Variants in GNPTAB observed in about 807,000 individuals in gnomAD.
GNPTAB encodes N-acetylglucosamine-1-phosphotransferase subunits alpha/beta.
A neutral mutation model predicts 136.6 loss-of-function variants in GNPTAB; 92 were observed. The observed-to-expected ratio is 0.67, with a 90% CI of 0.57 to 0.80. The LOEUF is 0.80. Ranked by LOEUF, GNPTAB falls within the 30% of genes least tolerant of loss-of-function variation. The probability of loss-of-function intolerance (pLI) is 0.00; values close to 1 mark genes in which losing one functional copy is unlikely to be tolerated. For missense variants in GNPTAB, 1,343 were observed against 1,501.8 expected (o/e 0.89, Z 1.75); for synonymous variants, 512 against 535.1 (o/e 0.96, Z 0.60).
At chr12:101,810,430 CA>C (rs1870164045) in intron 1 of GNPTAB, 1 of 122,788 alleles carries the variant, frequency 8.1e-6, no homozygotes, top group African/African-American at 3.3e-5. Flanking sequence ...TATACACACA[CA>C]TACACACACA....
chr12:101,765,767 G>A, intron 12 of GNPTAB: 1 of 372,496 alleles, frequency 2.7e-6, no homozygotes, highest in Admixed American at 4.0e-5. Context: ...AAAATCCAGT[G>A]TTTGAACCAT....
At chr12:101,776,341 G>C (rs1055116938) in intron 7 of GNPTAB, among the ~76,000 whole-genome samples, 1 of 152,208 alleles carries the variant, frequency 6.6e-6, no homozygotes, top group Non-Finnish European at 1.5e-5. Context: ...TTTATCAAAA[G>C]CTGAATTCTG....
At chr12:101,779,486 C>T (rs1281429850) in intron 7 of GNPTAB, 1 of 153,772 alleles carries the variant, frequency 6.5e-6, no homozygotes, top group African/African-American at 2.4e-5. Context: ...CCAGGCCAGC[C>T]TCCAGAGTCC....
rs1283866564 is a variant in GNPTAB, at chr12:101,788,602, A to C, written c.324-13T>G. 3 of 1,457,204 alleles carry C rather than the reference A, an allele frequency of 2.1e-6. No homozygotes were observed. The East Asian group carries it at 6.8e-5, about 33-fold the overall frequency. The allele number at this position is 1,457,204 out of a possible 1,614,324, so 90.3% of individuals were successfully genotyped here. Reference sequence around the variant, plus strand: ...CCCAAGGATTTCTCTAATAAAAAGCAAATACAGTTTATTACATACATATGG... The same window carrying C: ...CCCAAGGATTTCTCTAATAAAAAGCCAATACAGTTTATTACATACATATGG... On this transcript the variant is annotated splice_polypyrimidine_tract_variant and intron_variant, in intron 3 of 20. Transcript: ENST00000299314.
In GNPTAB at chr12:101,830,650, T is replaced by C; in HGVS notation, c.26A>G (p.Gln9Arg). The change falls in exon 1 of 21, where the codon CAG becomes CGG. Residue 9 changes from glutamine to arginine, a missense_variant. Transcript: ENST00000299314. Reference sequence around the variant, plus strand: ...CCTGTGGGACAGGCAGGTATAGGTCTGTCTCTGCAGGAGCTTGAACAGCAT... The same window carrying C: ...CCTGTGGGACAGGCAGGTATAGGTCCGTCTCTGCAGGAGCTTGAACAGCAT... MLFKLLQR[Q>R]TYTCLSHRYG... 6.2e-7 allele frequency: 1 copy of C among 1,610,320 alleles called. No homozygotes were observed. Among genetic ancestry groups the C allele is most frequent in the Non-Finnish European group, 8.5e-7 (1 of 1,177,170 alleles).
At chr12:101,752,916 T>C (rs1445674627) in intron 19 of GNPTAB, among the ~76,000 whole-genome samples, 1 of 152,170 alleles carries the variant, frequency 6.6e-6, no homozygotes, top group Non-Finnish European at 1.5e-5. Flanking sequence ...ATAAAAATTA[T>C]AACTATACAT....
rs764570097 is a variant in GNPTAB, at chr12:101,753,463, A to G, written c.3511T>C (p.Phe1171Leu). 2.5e-6 allele frequency: 4 copies of G among 1,613,710 alleles called. No individual in the cohort carries two copies. The East Asian group carries it at 8.9e-5, about 36-fold the overall frequency. Reference protein sequence around the residue: ...AQTVKAVLRDFYESMFPIPSQ... With the variant: ...AQTVKAVLRDLYESMFPIPSQ... ...GGTATGGGGAACATGGATTCATAGA[A>G]GTCCCTGAGAACAGCCTTCACTGTC... is the stretch of plus-strand genomic sequence containing the variant. The change falls in exon 19 of 21, where the codon TTC becomes CTC. Residue 1171 changes from phenylalanine to leucine, a missense_variant. Coordinates refer to ENST00000299314, the MANE Select transcript of GNPTAB (RefSeq NM_024312.5).
intron 6 of GNPTAB, 30 bp downstream of exon 6, chr12:101,780,526 TA>T (rs1224550722): frequency 2.0e-6 from 3 of 1,480,408 alleles, no homozygotes; most frequent in Non-Finnish European, 2.8e-6. Flanking sequence ...TAGTCTATTG[TA>T]AAAATGCAAT....
chr12:101,804,790 C>T (rs1435924636), intron 1 of GNPTAB, among the ~76,000 whole-genome samples: 1 of 152,198 alleles, frequency 6.6e-6, no homozygotes, highest in African/African-American at 2.4e-5. Flanking sequence ...CAAAAATACA[C>T]AAGGTGGCAA....
At chr12:101,783,621 ATG>A (rs1167404387) in intron 5 of GNPTAB, among the ~76,000 whole-genome samples, 2 of 152,180 alleles carry the variant, frequency 1.3e-5, no homozygotes, top group East Asian at 3.8e-4. Flanking sequence ...CAGTTCGAAT[ATG>A]TGAGTGCTGA....
At chr12:101,769,874 AC>A in intron 10 of GNPTAB, 146 bp downstream of exon 10, 4 of 833,366 alleles carry the variant, frequency 4.8e-6, no homozygotes, top group Non-Finnish European at 8.2e-6. Flanking sequence ...CAAGTGATCC[AC>A]CCACCTCCGC....
intron 1 of GNPTAB, among the ~76,000 whole-genome samples, chr12:101,800,172 C>T (rs1400764716): frequency 7.5e-6 from 1 of 133,666 alleles, no homozygotes; most frequent in Non-Finnish European, 1.5e-5. Flanking sequence ...GGGACCTCTG[C>T]CAGCTAGCTA....
At chr12:101,824,603 A>G (rs1870997539) in intron 1 of GNPTAB, among the ~76,000 whole-genome samples, 1 of 151,340 alleles carries the variant, frequency 6.6e-6, no homozygotes, top group Non-Finnish European at 1.5e-5. Flanking sequence ...AGTAGCTGGG[A>G]CTACAGGCAT....
At chr12:101,782,279 G>A (rs1452437830) in intron 5 of GNPTAB, among the ~76,000 whole-genome samples, 3 of 152,066 alleles carry the variant, frequency 2.0e-5, no homozygotes, top group African/African-American at 7.2e-5. Flanking sequence ...ACTAAAATAG[G>A]TATTTGAGCA....
chr12:101,822,067 A>G (rs1870828495), intron 1 of GNPTAB, among the ~76,000 whole-genome samples: 1 of 152,220 alleles, frequency 6.6e-6, no homozygotes, highest in Non-Finnish European at 1.5e-5. Context: ...ACCACTCCTG[A>G]GCACGGCGGT....
rs376476088 is a variant in GNPTAB, at chr12:101,765,082, T to C, written c.1835A>G (p.His612Arg). The change falls in exon 13 of 21, where the codon CAT (histidine) becomes CGT (arginine). Residue 612 changes from histidine to arginine, a missense_variant. Physicochemically the swap from His to Arg is conservative, Grantham distance 29 (BLOSUM62 0). Coordinates refer to ENST00000299314, the MANE Select transcript of GNPTAB (RefSeq NM_024312.5). ...TGTATTTTGAAACGTGAGATTAAAATGTATTGTGGTGGCATTCATTCCACT... is the reference window on the plus strand; with the variant it reads ...TGTATTTTGAAACGTGAGATTAAAACGTATTGTGGTGGCATTCATTCCACT... ...MHSGMNATTI[H>R]FNLTFQNTND... The C allele has an allele frequency of 5.6e-6, 9 of 1,614,150 alleles. No homozygotes were observed. Among genetic ancestry groups the C allele is most frequent in the African/African-American group, 5.3e-5 (4 of 75,058 alleles).
At chr12:101,816,664 G>A (rs1476494132) in intron 1 of GNPTAB, among the ~76,000 whole-genome samples, 1 of 152,098 alleles carries the variant, frequency 6.6e-6, no homozygotes, top group Admixed American at 6.6e-5. Flanking sequence ...AAAATAGAAC[G>A]ACTATATGAT....
intron 1 of GNPTAB, among the ~76,000 whole-genome samples, chr12:101,829,183 G>C (rs1051303603): frequency 6.6e-6 from 1 of 152,136 alleles, no homozygotes; most frequent in African/African-American, 2.4e-5. Context: ...AAAAGAAAAG[G>C]ATATAAAATG....
rs200298112 is a variant in GNPTAB, at chr12:101,757,606, T to G, written c.3301A>C (p.Ile1101Leu). 1 of 1,585,398 alleles carries G rather than the reference T, an allele frequency of 6.3e-7. No individual in the cohort carries two copies. Among genetic ancestry groups the G allele is most frequent in the East Asian group, 2.2e-5 (1 of 44,646 alleles). ...VTNCKPVTDK[I>L]HKAYKDKNKY... ...TTTTTGTCCTTATATGCTTTGTGGA[T>G]TTTGTCAGTTACTGGTTTACAGTTT... Residue 1101 changes from isoleucine to leucine, a missense_variant, in exon 17 of 21, where the codon ATC becomes CTC. Ile to Leu is a conservative substitution (Grantham distance 5). Coordinates refer to ENST00000299314, the MANE Select transcript of GNPTAB (RefSeq NM_024312.5).
Sources: gnomAD v4.1 joint callset for allele counts (sites outside exome capture counted in the v4.1 genomes callset) on GRCh38, gnomAD v4.1.1 for gene constraint, MANE v1.5 for transcripts, NCBI Gene and HGNC (gene_info 2026-07-23, HGNC 2026-07-21) for gene names.